EPHA3: variants seen among roughly 807,000 people sequenced by gnomAD.
The protein encoded by EPHA3 is EPH receptor A3, also known as ephrin type-A receptor 3.
EPHA3 carries 42 observed loss-of-function variants against 107.1 expected under a neutral mutation model. That is an observed-to-expected ratio of 0.39 (90% CI 0.31 to 0.51). The LOEUF (loss-of-function observed/expected upper bound fraction) is 0.51. Among genes scored for constraint, EPHA3 ranks in the 20% least tolerant of loss-of-function variants. The pLI is 0.78. For synonymous variants in EPHA3, 461 were observed against 424.8 expected (o/e 1.09, Z -1.05); for missense variants, 1,183 against 1,211.2 (o/e 0.98, Z 0.35).
At chr3:89,443,653 C>A (rs1709824637) in intron 13 of EPHA3, among the ~76,000 whole-genome samples, 1 of 152,086 alleles carries the variant, frequency 6.6e-6, no homozygotes, top group South Asian at 2.1e-4. Flanking sequence ...CTTGACAGAA[C>A]AACGTGCTTT....
At chr3:89,258,007 A>G (rs745995395) in intron 3 of EPHA3, among the ~76,000 whole-genome samples, 16 of 152,232 alleles carry the variant, frequency 1.1e-4, no homozygotes, top group Non-Finnish European at 2.2e-4. Context: ...CGAAAGATTT[A>G]ATGAACACTA....
At chr3:89,187,495 AAT>A (rs1229744647) in intron 2 of EPHA3, among the ~76,000 whole-genome samples, 1 of 151,506 alleles carries the variant, frequency 6.6e-6, no homozygotes, top group Non-Finnish European at 1.5e-5. Flanking sequence ...ATATATTTAC[AAT>A]ATACTTATTG....
At chr3:89,427,264 T>C (rs1709475476) in intron 11 of EPHA3, among the ~76,000 whole-genome samples, 1 of 151,934 alleles carries the variant, frequency 6.6e-6, no homozygotes, top group Non-Finnish European at 1.5e-5. Flanking sequence ...TCCTGGAATA[T>C]ATTCAAATTA....
At position 89,406,853 on chromosome 3, in the gene EPHA3, T is replaced by G. The variant is rs185507335; in HGVS notation, c.1595-416T>G. On this transcript the variant is annotated intron_variant, in intron 7 of 16. Transcript: ENST00000336596. The stretch of plus-strand genomic sequence containing the variant: ...TTTCAAATGAATATGGATATTGGAG[T>G]TAAAACAAGCTTAATTAGAAAGCTT... 9.7e-3 allele frequency among the ~76,000 whole-genome samples: 1,481 copies of G among 152,184 alleles called. 27 individuals carry two copies. Among genetic ancestry groups the G allele is most frequent in the African/African-American group, 0.034 (1,416 of 41,534 alleles).
chr3:89,432,159 C>T (rs1709581769), intron 13 of EPHA3, among the ~76,000 whole-genome samples: 2 of 152,006 alleles, frequency 1.3e-5, no homozygotes, highest in Admixed American at 1.3e-4. Context: ...TTATGAGCCT[C>T]ATGATTTTCT....
At chr3:89,375,215 T>C (rs1376488863) in intron 5 of EPHA3, among the ~76,000 whole-genome samples, 2 of 151,752 alleles carry the variant, frequency 1.3e-5, no homozygotes, top group Admixed American at 6.6e-5. Flanking sequence ...ACTGTTAAAG[T>C]GTCTTGAAAA....
intron 5 of EPHA3, among the ~76,000 whole-genome samples, chr3:89,374,451 G>GC (rs1708365357): frequency 6.6e-6 from 1 of 151,808 alleles, no homozygotes; most frequent in African/African-American, 2.4e-5. Flanking sequence ...CTCCAACATT[G>GC]GAAAAGGGAA....
At chr3:89,346,286 C>G (rs959710386) in intron 5 of EPHA3, among the ~76,000 whole-genome samples, 2 of 130,344 alleles carry the variant, frequency 1.5e-5, no homozygotes, top group African/African-American at 6.0e-5. Context: ...CCTGTTGTTT[C>G]CTGACTTTTT....
intron 5 of EPHA3, among the ~76,000 whole-genome samples, chr3:89,389,077 G>A (rs1401525530): frequency 1.3e-5 from 2 of 152,102 alleles, no homozygotes; most frequent in Non-Finnish European, 2.9e-5. Flanking sequence ...TTATTGGTGA[G>A]AAAAAATATA....
intron 1 of EPHA3, among the ~76,000 whole-genome samples, chr3:89,122,801 T>G (rs1362231269): frequency 6.6e-6 from 1 of 152,202 alleles, no homozygotes; most frequent in East Asian, 1.9e-4. Context: ...AGCCCTTCTT[T>G]TAGTAACTGA....
intron 15 of EPHA3, among the ~76,000 whole-genome samples, chr3:89,452,453 A>G (rs1710012675): frequency 2.0e-5 from 3 of 152,174 alleles, no homozygotes; most frequent in Non-Finnish European, 4.4e-5. Context: ...ATGACTAGCG[A>G]TGTTGAGTAC....
At chr3:89,147,070 C>A (rs1704574800) in intron 2 of EPHA3, among the ~76,000 whole-genome samples, 1 of 151,744 alleles carries the variant, frequency 6.6e-6, no homozygotes, top group Non-Finnish European at 1.5e-5. Context: ...TCATCCTCAG[C>A]AAACTAACAC....
chr3:89,404,104 GT>G, intron 7 of EPHA3, among the ~76,000 whole-genome samples: 1 of 152,112 alleles, frequency 6.6e-6, no homozygotes, highest in Middle Eastern at 3.4e-3. Context: ...CTCATTATTT[GT>G]TGTTTTGAAG....
At chr3:89,213,853 A>C (rs1229374839) in intron 3 of EPHA3, among the ~76,000 whole-genome samples, 2 of 151,938 alleles carry the variant, frequency 1.3e-5, no homozygotes, top group African/African-American at 4.8e-5. Context: ...GGTTATGAAA[A>C]ATTTCCTTTC....
At chr3:89,228,410 G>A (rs1445389140) in intron 3 of EPHA3, among the ~76,000 whole-genome samples, 1 of 151,876 alleles carries the variant, frequency 6.6e-6, no homozygotes, top group Non-Finnish European at 1.5e-5. Flanking sequence ...GATAAATATA[G>A]TCTATCTACA....
chr3:89,284,448 T>G (rs1706029223), intron 3 of EPHA3, among the ~76,000 whole-genome samples: 1 of 152,136 alleles, frequency 6.6e-6, no homozygotes, highest in Non-Finnish European at 1.5e-5. Flanking sequence ...ACCTTTTTTT[T>G]TATCAGTTAT....
intron 2 of EPHA3, among the ~76,000 whole-genome samples, chr3:89,144,091 G>A (rs1482282039): frequency 1.3e-5 from 2 of 151,548 alleles, no homozygotes; most frequent in Non-Finnish European, 3.0e-5. Context: ...TTTAACTTAA[G>A]TACGTAGTCT....
At chr3:89,200,474 T>C (rs1437988463) in intron 2 of EPHA3, among the ~76,000 whole-genome samples, 2 of 152,172 alleles carry the variant, frequency 1.3e-5, no homozygotes, top group Non-Finnish European at 2.9e-5. Flanking sequence ...TCTTAAGAAG[T>C]CTTGCCTGGG....
At chr3:89,309,768 GA>G (rs1559641852) in intron 3 of EPHA3, among the ~76,000 whole-genome samples, 2 of 151,706 alleles carry the variant, frequency 1.3e-5, no homozygotes, top group Admixed American at 6.6e-5. Context: ...AAACATTCAA[GA>G]AAAAAATGTT....
Sources: allele counts gnomAD v4.1 joint callset (sites outside exome capture counted in the v4.1 genomes callset), GRCh38; gene constraint gnomAD v4.1.1; transcripts MANE v1.5; gene names NCBI Gene and HGNC (gene_info 2026-07-23, HGNC 2026-07-21).